PLD5: variants seen among roughly 807,000 people sequenced by gnomAD.
PLD5 encodes phospholipase D family member 5, also known as inactive phospholipase D5.
Under a neutral mutation model 61.1 loss-of-function variants are expected in PLD5, and 36 were observed. The ratio of observed to expected loss-of-function variants is 0.59; its 90% CI spans 0.45 to 0.78. The LOEUF (loss-of-function observed/expected upper bound fraction) is 0.78. PLD5 is among the 30% of genes least tolerant of loss of function. The pLI is 0.00. For missense variants in PLD5, 515 were observed against 644.4 expected, an observed-to-expected ratio of 0.80 and a Z score of 2.17; for synonymous variants, 243 against 242.8, an observed-to-expected ratio of 1.00 and a Z score of -0.01.
At chr1:242,422,595 A>C (rs1366888235) in intron 1 of PLD5, among the ~76,000 whole-genome samples, 1 of 152,168 alleles carries the variant, frequency 6.6e-6, no homozygotes, top group Non-Finnish European at 1.5e-5. Context: ...ATTTTTCCAC[A>C]AGTTACATTA....
intron 5 of PLD5, among the ~76,000 whole-genome samples, chr1:242,141,539 C>T (rs149959422): frequency 6.6e-6 from 1 of 152,324 alleles, no homozygotes; most frequent in East Asian, 1.9e-4. Flanking sequence ...ACCTCCTCCT[C>T]TTCCTCAGGC....
In PLD5 at chr1:242,088,939, T is replaced by C. The variant is rs562137209; in HGVS notation, c.*915A>G. On this transcript the variant is annotated 3_prime_UTR_variant, in exon 10 of 10. Coordinates refer to ENST00000536534, the MANE Select transcript of PLD5 (RefSeq NM_001372062.1). Reference sequence around the variant, plus strand: ...AATCCACTGACGCATAGAGATTTTTTCCTTTATAATACCATAAACTGAACA... The same window carrying C: ...AATCCACTGACGCATAGAGATTTTTCCCTTTATAATACCATAAACTGAACA... 44 of 171,186 alleles carry C rather than the reference T, an allele frequency of 2.6e-4. No individual in the cohort carries two copies. Among genetic ancestry groups the C allele is most frequent in the African/African-American group, 1.0e-3 (43 of 41,918 alleles). 10.6% of individuals were successfully genotyped at this position (171,186 alleles called of 1,614,324 possible).
At chr1:242,360,400 T>C (rs1428395437) in intron 1 of PLD5, among the ~76,000 whole-genome samples, 1 of 152,200 alleles carries the variant, frequency 6.6e-6, no homozygotes, top group Admixed American at 6.5e-5. Context: ...TATCTTTAAA[T>C]TTTGAAAATG....
chr1:242,285,089 G>A (rs1674942365), intron 3 of PLD5, among the ~76,000 whole-genome samples: 1 of 152,188 alleles, frequency 6.6e-6, no homozygotes, highest in African/African-American at 2.4e-5. Context: ...TTGCCTGTGA[G>A]TTCAACGATA....
At chr1:242,229,259 T>C (rs1448453247) in intron 4 of PLD5, among the ~76,000 whole-genome samples, 2 of 152,234 alleles carry the variant, frequency 1.3e-5, no homozygotes, top group Non-Finnish European at 2.9e-5. Context: ...ATCCCCATGA[T>C]GAAATCAAAC....
chr1:242,392,243 C>A (rs1055358673), intron 1 of PLD5, among the ~76,000 whole-genome samples: 3 of 152,108 alleles, frequency 2.0e-5, no homozygotes, highest in African/African-American at 7.2e-5. Flanking sequence ...ACAACAGATG[C>A]TGGTGACTAC....
intron 1 of PLD5, among the ~76,000 whole-genome samples, chr1:242,349,727 C>A (rs1342508992): frequency 6.6e-6 from 1 of 152,102 alleles, no homozygotes; most frequent in Non-Finnish European, 1.5e-5. Context: ...GAGCTGTGAC[C>A]ACTGTGACAA....
At chr1:242,123,799 C>A (rs959857718) in intron 6 of PLD5, among the ~76,000 whole-genome samples, 4 of 152,208 alleles carry the variant, frequency 2.6e-5, no homozygotes, top group African/African-American at 7.2e-5. Context: ...ATTTACATTG[C>A]CCCTTTCCAG....
At chr1:242,275,069 G>A (rs1674340850) in intron 3 of PLD5, among the ~76,000 whole-genome samples, 2 of 152,140 alleles carry the variant, frequency 1.3e-5, no homozygotes, top group African/African-American at 4.8e-5. Context: ...ATATATGTGT[G>A]TGTATACGTG....
chr1:242,501,417 C>A (rs1427443688), intron 1 of PLD5, among the ~76,000 whole-genome samples: 1 of 152,172 alleles, frequency 6.6e-6, no homozygotes, highest in Admixed American at 6.5e-5. Flanking sequence ...CATAATCATT[C>A]ATATTATTAA....
At position 242,144,416 on chromosome 1, in the gene PLD5, T is replaced by C. The variant is rs548384096; in HGVS notation, c.736-19751A>G. On this transcript the variant is annotated intron_variant, in intron 5 of 9. Coordinates refer to ENST00000536534, the MANE Select transcript of PLD5 (RefSeq NM_001372062.1). ...TAGAAGCAGAGTGTGGAAGAGATAA[T>C]GAAGTCCCAAACCACAGACACACGA... Among the ~76,000 whole-genome samples the C allele has an allele frequency of 2.8e-4, 43 of 152,224 alleles. 1 individual carries two copies. Among genetic ancestry groups the C allele is most frequent in the Admixed American group, 5.2e-4 (8 of 15,284 alleles).
At chr1:242,527,766 G>T (rs1337844604), upstream of PLD5, among the ~76,000 whole-genome samples, 5 of 152,178 alleles carry the variant, frequency 3.3e-5, no homozygotes, top group Non-Finnish European at 7.3e-5. Flanking sequence ...TGAAACTGTT[G>T]TAGGGAAGAA....
chr1:242,320,985 T>C (rs1658359271), intron 2 of PLD5, among the ~76,000 whole-genome samples: 1 of 152,124 alleles, frequency 6.6e-6, no homozygotes, highest in African/African-American at 2.4e-5. Context: ...TTCTCAAAAT[T>C]CCCTCTCATC....
chr1:242,145,260 A>G (rs910043348), intron 5 of PLD5, among the ~76,000 whole-genome samples: 5 of 152,298 alleles, frequency 3.3e-5, no homozygotes, highest in Admixed American at 3.3e-4. Flanking sequence ...CTTGAGAACC[A>G]TCTCACAGAA....
At chr1:242,176,872 G>A (rs986460534) in intron 5 of PLD5, among the ~76,000 whole-genome samples, 16 of 152,310 alleles carry the variant, frequency 1.1e-4, no homozygotes, top group African/African-American at 3.8e-4. Flanking sequence ...AAACCACAAT[G>A]AGATACCATC....
intron 1 of PLD5, among the ~76,000 whole-genome samples, chr1:242,474,257 G>A (rs920360205): frequency 3.9e-5 from 6 of 152,018 alleles, no homozygotes; most frequent in African/African-American, 9.7e-5. Flanking sequence ...CCATCCTACC[G>A]GGATTCCCAC....
intron 9 of PLD5, among the ~76,000 whole-genome samples, chr1:242,100,009 A>G (rs1660563177): frequency 6.6e-6 from 1 of 152,202 alleles, no homozygotes; most frequent in African/African-American, 2.4e-5. Flanking sequence ...ACCAGTGTAG[A>G]ATGATTCCAG....
chr1:242,416,177 C>T (rs962054306), intron 1 of PLD5, among the ~76,000 whole-genome samples: 5 of 151,518 alleles, frequency 3.3e-5, no homozygotes, highest in Admixed American at 3.3e-4. Context: ...ATATAATTTT[C>T]ATTGTTGTTG....
intron 5 of PLD5, among the ~76,000 whole-genome samples, chr1:242,130,290 G>T: frequency 6.6e-6 from 1 of 152,158 alleles, no homozygotes; most frequent in South Asian, 2.1e-4. Context: ...GACCTCAGGT[G>T]ATCCACCCGC....
Sources: gnomAD v4.1 joint callset for allele counts (sites outside exome capture counted in the v4.1 genomes callset) on GRCh38, gnomAD v4.1.1 for gene constraint, MANE v1.5 for transcripts, NCBI Gene and HGNC (gene_info 2026-07-23, HGNC 2026-07-21) for gene names.